The following PM20D2 variants were observed in gnomAD, a reference collection of about 807,000 sequenced individuals.
The protein encoded by PM20D2 is peptidase M20 domain containing 2.
Under a neutral mutation model 42.9 loss-of-function variants are expected in PM20D2, and 33 were observed. The observed-to-expected ratio is 0.77, with a 90% CI of 0.58 to 1.03. PM20D2 has a LOEUF of 1.03. PM20D2 is among the 50% of genes least tolerant of loss of function. The pLI is 0.00. For missense variants in PM20D2, 548 were observed against 557.0 expected (o/e 0.98, Z 0.16); for synonymous variants, 250 against 228.2 (o/e 1.10, Z -0.86).
the PM20D2 span, among the ~76,000 whole-genome samples, chr6:89,140,461 T>G: frequency 6.6e-6 from 1 of 151,036 alleles, no homozygotes; most frequent in Admixed American, 6.6e-5. Flanking sequence ...AACCATGGTA[T>G]GTACACAGTC....
At chr6:89,134,127 C>T in the PM20D2 span, among the ~76,000 whole-genome samples, 9 of 151,254 alleles carry the variant, frequency 6.0e-5, no homozygotes, top group South Asian at 1.7e-3. Context: ...CTGGCCCTGC[C>T]GGCATTTATT....
At chr6:89,135,980 T>C in the PM20D2 span, among the ~76,000 whole-genome samples, 2 of 151,262 alleles carry the variant, frequency 1.3e-5, no homozygotes, top group Non-Finnish European at 2.9e-5. Flanking sequence ...TCTCTGGCCC[T>C]GAACATTTAC....
intron 6 of PM20D2, 26 bp downstream of exon 6, chr6:89,161,916 T>C: frequency 1.3e-6 from 2 of 1,559,178 alleles, no homozygotes; most frequent in Non-Finnish European, 8.8e-7. Flanking sequence ...TGTGACTGTT[T>C]TGGCACACAC....
At chr6:89,157,126 TC>T (rs370056321) in intron 4 of PM20D2, among the ~76,000 whole-genome samples, 2,454 of 152,290 alleles carry the variant, frequency 0.016, 41 homozygotes, top group Middle Eastern at 0.048. Flanking sequence ...AGATAGGCTC[TC>T]CCTGTGTTGC....
rs1771324726 is a variant in PM20D2 at position 89,163,811 on chromosome 6, T to C, written c.*1548T>C. 1 of 152,238 alleles carries C rather than the reference T, an allele frequency of 6.6e-6. No homozygotes were observed. Among genetic ancestry groups the C allele is most frequent in the African/African-American group, 2.4e-5 (1 of 41,460 alleles). 9.4% of individuals were successfully genotyped at this position (152,238 alleles called of 1,614,324 possible). ...TACATGCCTTTATAATTTTTCATTGTTCACACCCTGTACTGAAACCTTTTT... is the reference window on the plus strand; with the variant it reads ...TACATGCCTTTATAATTTTTCATTGCTCACACCCTGTACTGAAACCTTTTT... On this transcript the variant is annotated 3_prime_UTR_variant, in exon 7 of 7. Coordinates refer to ENST00000275072, the MANE Select transcript of PM20D2 (RefSeq NM_001010853.3).
chr6:89,136,514 A>G, the PM20D2 span, among the ~76,000 whole-genome samples: 2 of 150,356 alleles, frequency 1.3e-5, 1 homozygote, highest in African/African-American at 5.0e-5. Context: ...CGTCTCTACT[A>G]AAAATACAAA....
In PM20D2 at chr6:89,162,297, GTGA is replaced by G. The variant is rs1205596344; in HGVS notation, c.*39_*41del. The G allele has an allele frequency of 6.4e-7, 1 of 1,561,676 alleles. No individual in the cohort carries two copies. The highest frequency in any genetic ancestry group is 8.7e-7 in the Non-Finnish European group (1 of 1,154,364). ...GGGGCCACTTATAAATCAAGAAGACGTGATGATTTTTTTCTTTTAATCTCTTTT... is the reference window on the plus strand; with the variant it reads ...GGGGCCACTTATAAATCAAGAAGACGTGATTTTTTTCTTTTAATCTCTTTT... On this transcript the variant is annotated 3_prime_UTR_variant, in exon 7 of 7. Transcript: ENST00000275072.
At chr6:89,140,137 G>C in the PM20D2 span, among the ~76,000 whole-genome samples, 4 of 151,758 alleles carry the variant, frequency 2.6e-5, no homozygotes, top group African/African-American at 9.7e-5. Flanking sequence ...AGATGGGGGG[G>C]TGGTCTCACC....
the PM20D2 span, chr6:89,096,738 T>A: frequency 2.0e-5 from 3 of 152,292 alleles, no homozygotes; most frequent in Non-Finnish European, 4.4e-5. Context: ...GCTCAAGCAA[T>A]CCTCCTGCCT....
chr6:89,115,631 C>CTTTTTTTTT, the PM20D2 span, among the ~76,000 whole-genome samples: 1 of 129,006 alleles, frequency 7.8e-6, no homozygotes, highest in Non-Finnish European at 1.6e-5. Context: ...TTTTTTCTTT[C>CTTTTTTTTT]TTTTTTTTTT....
chr6:89,131,059 C>T, the PM20D2 span, among the ~76,000 whole-genome samples: 1 of 151,936 alleles, frequency 6.6e-6, no homozygotes, highest in Non-Finnish European at 1.5e-5. Flanking sequence ...GCATCTGGTA[C>T]AGGCCTTGCT....
upstream of PM20D2, among the ~76,000 whole-genome samples, chr6:89,141,906 C>T (rs1472842787): frequency 2.6e-5 from 4 of 152,072 alleles, no homozygotes; most frequent in East Asian, 3.9e-4. Context: ...CGGGCTCAAG[C>T]GATCCTCAAA....
the PM20D2 span, among the ~76,000 whole-genome samples, chr6:89,129,794 T>C: frequency 2.6e-5 from 4 of 152,020 alleles, no homozygotes; most frequent in African/African-American, 9.7e-5. Flanking sequence ...AGGATCTTGC[T>C]GTGTTTACCA....
At chr6:89,145,746 G>GT (rs1562242867), upstream of PM20D2, among the ~76,000 whole-genome samples, 1 of 152,184 alleles carries the variant, frequency 6.6e-6, no homozygotes, top group Admixed American at 6.5e-5. Context: ...CGAGGACTGT[G>GT]TTCCACTTGG....
the PM20D2 span, chr6:89,098,816 T>C: frequency 1.4e-5 from 22 of 1,613,990 alleles, no homozygotes; most frequent in East Asian, 2.2e-5. Flanking sequence ...TTGTAAGGAC[T>C]TGGACCTTGA....
chr6:89,161,509 G>A (rs1156693421), intron 5 of PM20D2, among the ~76,000 whole-genome samples: 1 of 152,134 alleles, frequency 6.6e-6, no homozygotes, highest in Non-Finnish European at 1.5e-5. Flanking sequence ...AAGGGAGTAG[G>A]TGGCAGTGTG....
At chr6:89,145,148 C>T (rs1417265235), upstream of PM20D2, among the ~76,000 whole-genome samples, 1 of 152,170 alleles carries the variant, frequency 6.6e-6, no homozygotes, top group African/African-American at 2.4e-5. Flanking sequence ...AGAATATAAA[C>T]ATCTACAGTG....
At chr6:89,117,707 G>T in the PM20D2 span, 2 of 1,061,478 alleles carry the variant, frequency 1.9e-6, no homozygotes, top group Non-Finnish European at 2.5e-6. Context: ...GCCTGGGCCC[G>T]CGGGGAGGCT....
At chr6:89,153,316 C>T in intron 3 of PM20D2, 131 bp downstream of exon 3, 1 of 697,878 alleles carries the variant, frequency 1.4e-6, no homozygotes, top group African/African-American at 1.9e-5. Flanking sequence ...GATTTTTAAG[C>T]ATATTTTCAG....
Sources: allele counts gnomAD v4.1 joint callset (sites outside exome capture counted in the v4.1 genomes callset), GRCh38; gene constraint gnomAD v4.1.1; transcripts MANE v1.5; gene names NCBI Gene and HGNC (gene_info 2026-07-23, HGNC 2026-07-21).